The following LHFPL2 variants were observed in gnomAD, a reference collection of about 807,000 sequenced individuals.
LHFPL2 encodes LHFPL tetraspan subfamily member 2.
LHFPL2 carries 7 observed loss-of-function variants against 17.5 expected under a neutral mutation model. The observed-to-expected ratio is 0.40, with a 90% CI of 0.23 to 0.75. The LOEUF (loss-of-function observed/expected upper bound fraction) is 0.75. LHFPL2 is among the 30% of genes least tolerant of loss of function. The pLI is 0.37. For synonymous variants in LHFPL2, 134 were observed against 116.2 expected (o/e 1.15, Z -0.99); for missense variants, 241 against 294.8 (o/e 0.82, Z 1.34).
chr5:78,568,701 G>C (rs1461408365), intron 2 of LHFPL2, among the ~76,000 whole-genome samples: 1 of 152,186 alleles, frequency 6.6e-6, no homozygotes, highest in East Asian at 1.9e-4. Context: ...GGTGGGTTAA[G>C]AAACAGTAAG....
intron 1 of LHFPL2, among the ~76,000 whole-genome samples, chr5:78,641,381 A>T (rs188019340): frequency 8.5e-5 from 13 of 152,366 alleles, no homozygotes; most frequent in Non-Finnish European, 1.8e-4. Flanking sequence ...GCACAAGGAA[A>T]GAATTGTTTC....
chr5:78,510,456 G>A, intron 3 of LHFPL2, 58 bp from the exon 4 acceptor site: 1 of 516,666 alleles, frequency 1.9e-6, no homozygotes. Flanking sequence ...CCTTCCCGCC[G>A]CGCAGCGACA....
chr5:78,576,262 T>G (rs1026957750), intron 2 of LHFPL2, among the ~76,000 whole-genome samples: 1 of 148,632 alleles, frequency 6.7e-6, no homozygotes, highest in Admixed American at 6.8e-5. Context: ...GCCACTGCAC[T>G]CCAGCCTGGG....
intron 4 of LHFPL2, among the ~76,000 whole-genome samples, chr5:78,504,909 G>C (rs759183625): frequency 6.6e-6 from 1 of 152,242 alleles, no homozygotes; most frequent in Non-Finnish European, 1.5e-5. Flanking sequence ...CATGCAGGCA[G>C]AGGGCTGGAG....
In LHFPL2 at chr5:78,634,767, G is replaced by C. The variant is rs558857854; in HGVS notation, c.-349-2399C>G. Among the ~76,000 whole-genome samples the C allele has an allele frequency of 4.6e-5, 7 of 152,354 alleles. No individual in the cohort carries two copies. The East Asian group carries it at 1.3e-3, about 29-fold the overall frequency. ...GCCGCAGAGCAAGCTAACAGCAAAG[G>C]AAGGTCAGGGAGGCAGAACAGACAG... On this transcript the variant is annotated intron_variant, in intron 1 of 4. Coordinates refer to ENST00000380345, the MANE Select transcript of LHFPL2 (RefSeq NM_005779.3).
At chr5:78,611,644 C>T (rs1053438577) in intron 2 of LHFPL2, among the ~76,000 whole-genome samples, 15 of 152,124 alleles carry the variant, frequency 9.9e-5, no homozygotes, top group Non-Finnish European at 1.6e-4. Context: ...CCAGATGACA[C>T]CAGCCTAGGG....
intron 2 of LHFPL2, among the ~76,000 whole-genome samples, chr5:78,570,650 G>GTA (rs368470431): frequency 0.026 from 3,750 of 143,626 alleles, 126 homozygotes; most frequent in African/African-American, 0.084. Context: ...ATATATATAC[G>GTA]TATATATATA....
At chr5:78,643,231 GTTATC>G (rs1460854398) in intron 1 of LHFPL2, among the ~76,000 whole-genome samples, 1 of 151,868 alleles carries the variant, frequency 6.6e-6, no homozygotes, top group East Asian at 1.9e-4. Flanking sequence ...AAACTTATGT[GTTATC>G]TTATCATGTA....
chr5:78,494,093 G>T (rs1467053854), intron 4 of LHFPL2, among the ~76,000 whole-genome samples: 2 of 152,212 alleles, frequency 1.3e-5, no homozygotes, highest in Non-Finnish European at 2.9e-5. Flanking sequence ...CTCTCTGGTA[G>T]TCTCTGGGGC....
At chr5:78,498,354 T>C (rs1264957780) in intron 4 of LHFPL2, among the ~76,000 whole-genome samples, 6 of 152,306 alleles carry the variant, frequency 3.9e-5, no homozygotes, top group Admixed American at 1.3e-4. Flanking sequence ...GACTGAGTAA[T>C]AAGCAGCATC....
chr5:78,643,304 T>C (rs1452597530), intron 1 of LHFPL2, among the ~76,000 whole-genome samples: 3 of 152,200 alleles, frequency 2.0e-5, no homozygotes, highest in African/African-American at 7.2e-5. Flanking sequence ...TGAAGGTGCA[T>C]GATGAACCAA....
intron 4 of LHFPL2, among the ~76,000 whole-genome samples, chr5:78,493,756 T>TA (rs1431287352): frequency 6.6e-6 from 1 of 152,206 alleles, no homozygotes; most frequent in East Asian, 1.9e-4. Flanking sequence ...CCCTGGGTTT[T>TA]AAAAGCAATC....
Position 78,500,037 on chromosome 5 carries a change from AG to A in LHFPL2, c.430+9746del, listed in dbSNP as rs35581940. Among the ~76,000 whole-genome samples, 133 of 67,346 alleles carry A rather than the reference AG, an allele frequency of 2.0e-3. 1 individual carries two copies. The highest frequency in any genetic ancestry group is 6.9e-3 in the African/African-American group (123 of 17,772). The allele number at this position is 67,346 out of a possible 152,430, so 44.2% of individuals were successfully genotyped here. A position where few individuals can be genotyped will look rare whatever the true frequency, so the allele number is the denominator to read the frequency against. ...CTGGACCAAAAGGAAAAAAAAAAAAAGGCAGTATAATCAACTGACGACTTAG... is the reference window on the plus strand; with the variant it reads ...CTGGACCAAAAGGAAAAAAAAAAAAAGCAGTATAATCAACTGACGACTTAG... On this transcript the variant is annotated intron_variant, in intron 4 of 4. Transcript: ENST00000380345.
At chr5:78,577,693 T>G (rs1354109319) in intron 2 of LHFPL2, among the ~76,000 whole-genome samples, 2 of 152,132 alleles carry the variant, frequency 1.3e-5, no homozygotes, top group African/African-American at 4.8e-5. Context: ...GGAGAGTAGC[T>G]TACATACAAT....
intron 3 of LHFPL2, among the ~76,000 whole-genome samples, chr5:78,562,684 A>C (rs533917791): frequency 6.6e-6 from 1 of 152,150 alleles, no homozygotes; most frequent in South Asian, 2.1e-4. Context: ...TCTACAATTC[A>C]GACACAATTA....
chr5:78,511,625 C>T (rs908720807), intron 3 of LHFPL2, among the ~76,000 whole-genome samples: 1 of 152,046 alleles, frequency 6.6e-6, no homozygotes, highest in African/African-American at 2.4e-5. Flanking sequence ...AGGGAGTTAT[C>T]GAAGAGGAAG....
rs1754277826 is a variant in LHFPL2 at position 78,487,229 on chromosome 5, G to A, written c.*1668C>T. The A allele has an allele frequency of 6.6e-6, 1 of 152,168 alleles. No individual in the cohort carries two copies. The highest frequency in any genetic ancestry group is 1.5e-5 in the Non-Finnish European group (1 of 68,044). 9.4% of individuals were successfully genotyped at this position (152,168 alleles called of 1,614,324 possible). The stretch of plus-strand genomic sequence containing the variant: ...GGTTTCTCATATAGGCCAAACACCA[G>A]AATGTAGTAAAACTGCGGTTGTCCC... On this transcript the variant is annotated 3_prime_UTR_variant, in exon 5 of 5. Coordinates refer to ENST00000380345, the MANE Select transcript of LHFPL2 (RefSeq NM_005779.3).
chr5:78,521,375 C>T (rs1277819728), intron 3 of LHFPL2, among the ~76,000 whole-genome samples: 1 of 152,202 alleles, frequency 6.6e-6, no homozygotes, highest in African/African-American at 2.4e-5. Context: ...AATAAAATGT[C>T]TTGTTTTGTT....
chr5:78,642,975 C>G (rs180902053), intron 1 of LHFPL2, among the ~76,000 whole-genome samples: 16 of 152,288 alleles, frequency 1.1e-4, no homozygotes, highest in African/African-American at 3.6e-4. Context: ...CTTGTTCCCC[C>G]CCCTCCTTGT....
Sources: gnomAD v4.1 joint callset for allele counts (sites outside exome capture counted in the v4.1 genomes callset) on GRCh38, gnomAD v4.1.1 for gene constraint, MANE v1.5 for transcripts, NCBI Gene and HGNC (gene_info 2026-07-23, HGNC 2026-07-21) for gene names.